IL1RAPL2: variants seen among roughly 807,000 people sequenced by gnomAD.
The protein encoded by IL1RAPL2 is interleukin 1 receptor accessory protein like 2, also known as X-linked interleukin-1 receptor accessory protein-like 2.
In IL1RAPL2, 3 loss-of-function variants were observed where a neutral mutation model predicts 44.1. The observed-to-expected ratio is 0.07, with a 90% CI of 0.03 to 0.18. The LOEUF is 0.18. Ranked by LOEUF, IL1RAPL2 falls within the 10% of genes least tolerant of loss-of-function variation. The pLI, the probability that IL1RAPL2 is intolerant of heterozygous loss-of-function variation, is 1.00. For synonymous variants in IL1RAPL2, 181 were observed against 178.8 expected, an observed-to-expected ratio of 1.01 and a Z score of -0.10; for missense variants, 391 against 496.4, an observed-to-expected ratio of 0.79 and a Z score of 2.02.
intron 2 of IL1RAPL2, among the ~76,000 whole-genome samples, chrX:104,896,435 T>C (rs1249887955): frequency 5.4e-5 from 6 of 111,409 alleles, no homozygotes; most frequent in African/African-American, 2.0e-4. Context: ...AGGAAGTAGC[T>C]AGAGCAGTCA....
At chrX:105,448,710 T>C (rs1313183560) in intron 5 of IL1RAPL2, among the ~76,000 whole-genome samples, 1 of 110,913 alleles carries the variant, frequency 9.0e-6, no homozygotes, top group Non-Finnish European at 1.9e-5. Context: ...CTTTTTTCTC[T>C]AGATCCTGTA....
chrX:104,874,937 T>C lies in IL1RAPL2; in HGVS notation c.82+215942T>C, dbSNP rs374909891. Among the ~76,000 whole-genome samples the C allele has an allele frequency of 4.5e-5, 5 of 111,861 alleles. No homozygotes were observed. The East Asian group carries it at 1.1e-3, about 25-fold the overall frequency. On this transcript the variant is annotated intron_variant, in intron 2 of 10. Coordinates refer to ENST00000372582, the MANE Select transcript of IL1RAPL2 (RefSeq NM_017416.2). ...AAAGGAATTTAGGAAATCTGGATTTTAGTGGGGTATACTTATGGGAGGCCC... is the reference window on the plus strand; with the variant it reads ...AAAGGAATTTAGGAAATCTGGATTTCAGTGGGGTATACTTATGGGAGGCCC...
chrX:104,706,826 A>G (rs752687740), intron 2 of IL1RAPL2, among the ~76,000 whole-genome samples: 1 of 111,745 alleles, frequency 8.9e-6, no homozygotes, highest in South Asian at 3.7e-4. Flanking sequence ...TGGGAATTGA[A>G]CTACCTCTAT....
intron 5 of IL1RAPL2, among the ~76,000 whole-genome samples, chrX:105,414,920 A>G (rs2035722012): frequency 8.9e-6 from 1 of 112,447 alleles, no homozygotes; most frequent in Admixed American, 9.4e-5. Flanking sequence ...GAATAATCAA[A>G]TAAGATAATG....
intron 2 of IL1RAPL2, among the ~76,000 whole-genome samples, chrX:104,905,564 C>T (rs1392088937): frequency 9.8e-5 from 11 of 111,731 alleles, no homozygotes; most frequent in Non-Finnish European, 2.1e-4. Context: ...ATAGGGAATC[C>T]TTTCCCCATT....
At chrX:104,835,435 G>A (rs757065388) in intron 2 of IL1RAPL2, among the ~76,000 whole-genome samples, 22 of 110,599 alleles carry the variant, frequency 2.0e-4, no homozygotes, top group Non-Finnish European at 3.2e-4. Flanking sequence ...ACTTGGCTCC[G>A]CCCTATGTGG....
chrX:104,848,409 GTATATATA>G (rs35503754), intron 2 of IL1RAPL2, among the ~76,000 whole-genome samples: 1,109 of 64,804 alleles, frequency 0.017, 14 homozygotes, highest in African/African-American at 0.032. Flanking sequence ...ATTTTTATCT[GTATATATA>G]TATATATATA....
At chrX:104,704,338 G>A (rs1254012988) in intron 2 of IL1RAPL2, among the ~76,000 whole-genome samples, 5 of 111,561 alleles carry the variant, frequency 4.5e-5, no homozygotes, top group African/African-American at 6.5e-5. Context: ...TGGCAGAAAC[G>A]CTAGATGAGC....
intron 6 of IL1RAPL2, among the ~76,000 whole-genome samples, chrX:105,536,917 C>G (rs1458435043): frequency 1.8e-5 from 2 of 111,637 alleles, no homozygotes. Context: ...TTTTCTAACA[C>G]AGTTTTGATC....
intron 2 of IL1RAPL2, among the ~76,000 whole-genome samples, chrX:105,074,384 C>T (rs1342683935): frequency 9.0e-6 from 1 of 111,261 alleles, no homozygotes; most frequent in Non-Finnish European, 1.9e-5. Flanking sequence ...GGGCTCTGTT[C>T]TGTTCCATTG....
chrX:105,536,425 T>TAA (rs60312385), intron 6 of IL1RAPL2, among the ~76,000 whole-genome samples: 29,532 of 91,887 alleles, frequency 0.32, 4,713 homozygotes, highest in Non-Finnish European at 0.45. Flanking sequence ...TTTTATATGG[T>TAA]AAAAAAAAAA....
chrX:105,365,197 C>G (rs1010806764), intron 5 of IL1RAPL2, among the ~76,000 whole-genome samples: 1 of 111,371 alleles, frequency 9.0e-6, no homozygotes, highest in African/African-American at 3.3e-5. Context: ...TATAATATAT[C>G]ACATTTATTG....
intron 1 of IL1RAPL2, among the ~76,000 whole-genome samples, chrX:104,639,377 T>G (rs1929888525): frequency 8.9e-6 from 1 of 112,307 alleles, no homozygotes; most frequent in South Asian, 3.7e-4. Flanking sequence ...AAAGCCCATT[T>G]AACTATTCTA....
intron 5 of IL1RAPL2, among the ~76,000 whole-genome samples, chrX:105,370,538 C>T (rs763021231): frequency 8.9e-6 from 1 of 111,939 alleles, no homozygotes; most frequent in East Asian, 2.8e-4. Context: ...CATCCATGTT[C>T]CTGCAAATGA....
chrX:105,747,518 A>G (rs200895643), intron 8 of IL1RAPL2, among the ~76,000 whole-genome samples: 1,336 of 39,229 alleles, frequency 0.034, 21 homozygotes, highest in East Asian at 0.24. Flanking sequence ...GTGTGTGTGT[A>G]TATATATATA....
intron 6 of IL1RAPL2, among the ~76,000 whole-genome samples, chrX:105,625,231 A>T (rs1370664080): frequency 8.9e-6 from 1 of 112,217 alleles, no homozygotes; most frequent in African/African-American, 3.2e-5. Context: ...ACACATGCAG[A>T]CATTCATTCA....
At chrX:104,582,840 C>CTTTCTTTCTTTA (rs1280434565) in intron 1 of IL1RAPL2, among the ~76,000 whole-genome samples, 1 of 72,177 alleles carries the variant, frequency 1.4e-5, no homozygotes, top group Non-Finnish European at 2.5e-5. Flanking sequence ...TTCTTTCTTT[C>CTTTCTTTCTTTA]TTTCTTTCTT....
chrX:105,728,467 T>TAAAC (rs1253672540), intron 7 of IL1RAPL2, among the ~76,000 whole-genome samples: 2 of 112,056 alleles, frequency 1.8e-5, no homozygotes, highest in Admixed American at 9.5e-5. Flanking sequence ...CAGCACACCA[T>TAAAC]AAACAAGTAG....
At chrX:105,282,533 A>T (rs1346356364) in intron 5 of IL1RAPL2, among the ~76,000 whole-genome samples, 2 of 111,679 alleles carry the variant, frequency 1.8e-5, no homozygotes, top group Non-Finnish European at 3.8e-5. Flanking sequence ...CAGGGAAAGA[A>T]GATTGGTTCC....
Sources: allele counts gnomAD v4.1 joint callset (sites outside exome capture counted in the v4.1 genomes callset), GRCh38; gene constraint gnomAD v4.1.1; transcripts MANE v1.5; gene names NCBI Gene and HGNC (gene_info 2026-07-23, HGNC 2026-07-21).